Variants in GNAL observed in about 807,000 individuals in gnomAD.
The protein encoded by GNAL is guanine nucleotide-binding protein G(olf) subunit alpha.
GNAL carries 18 observed loss-of-function variants against 55.1 expected under a neutral mutation model. The observed-to-expected ratio is 0.33, with a 90% CI of 0.23 to 0.48. GNAL has a LOEUF of 0.48. GNAL is among the 20% of genes least tolerant of loss of function. GNAL has a pLI of 0.99. For synonymous variants in GNAL, 253 were observed against 237.0 expected (o/e 1.07, Z -0.62); for missense variants, 412 against 614.1 (o/e 0.67, Z 3.48).
At chr18:11,861,989 CAA>C (rs1491519448) in intron 5 of GNAL, among the ~76,000 whole-genome samples, 2 of 150,204 alleles carry the variant, frequency 1.3e-5, no homozygotes, top group Non-Finnish European at 3.0e-5. Context: ...CACACACACA[CAA>C]CATCTGGATT....
intron 4 of GNAL, among the ~76,000 whole-genome samples, chr18:11,788,936 T>TATATATATAC (rs1219351502): frequency 3.4e-4 from 44 of 128,848 alleles, no homozygotes; most frequent in East Asian, 1.3e-3. Context: ...TATATATATA[T>TATATATATAC]ACACATATAT....
chr18:11,745,585 T>C (rs375024576), intron 1 of GNAL: 23 of 152,672 alleles, frequency 1.5e-4, no homozygotes, highest in African/African-American at 3.9e-4. Context: ...TCACATTTGA[T>C]TTATTTGAAT....
chr18:11,816,488 G>A (rs1031436341), intron 4 of GNAL, among the ~76,000 whole-genome samples: 7 of 151,800 alleles, frequency 4.6e-5, no homozygotes, highest in Admixed American at 3.9e-4. Flanking sequence ...TATTAGAGAC[G>A]GGGTTTCACC....
intron 6 of GNAL, among the ~76,000 whole-genome samples, chr18:11,863,156 G>T (rs2036186530): frequency 6.6e-6 from 1 of 152,190 alleles, no homozygotes; most frequent in African/African-American, 2.4e-5. Context: ...TGGGATTACA[G>T]GCGTGAGCCA....
At chr18:11,742,979 G>A (rs867612493) in intron 1 of GNAL, among the ~76,000 whole-genome samples, 1 of 152,226 alleles carries the variant, frequency 6.6e-6, no homozygotes, top group Non-Finnish European at 1.5e-5. Flanking sequence ...GTGACAGCCT[G>A]TAGGTAGCAA....
chr18:11,710,687 CT>C (rs2031815838), intron 1 of GNAL, among the ~76,000 whole-genome samples: 1 of 151,470 alleles, frequency 6.6e-6, no homozygotes, highest in Admixed American at 6.6e-5. Flanking sequence ...TTGGTTGGCA[CT>C]TTTTTCTTTT....
rs186658218 is a variant in GNAL at position 11,768,914 on chromosome 18, A to G, written c.624+14969A>G. Among the ~76,000 whole-genome samples the G allele has an allele frequency of 4.7e-4, 63 of 134,228 alleles. No individual in the cohort carries two copies. In the East Asian group the frequency reaches 0.013, roughly 27 times the overall value. 88.1% of individuals were successfully genotyped at this position (134,228 alleles called of 152,430 possible). A position where few individuals can be genotyped will look rare whatever the true frequency, so the allele number is the denominator to read the frequency against. On this transcript the variant is annotated intron_variant, in intron 4 of 11. Transcript: ENST00000334049. ...GTCTCAAAAAAAAAAAAAAATATAT[A>G]TATAACATATTATTATATATATTAT...
In GNAL at chr18:11,752,237, T is replaced by G; in HGVS notation, c.377-616T>G. On this transcript the variant is annotated intron_variant, in intron 1 of 11. Transcript: ENST00000334049. This position sits in a 1 kb window ranked among gnomAD's most constrained non-coding sequence, Gnocchi z 4.5. The stretch of plus-strand genomic sequence containing the variant: ...ACTCCGCGCGTCTTCCTTACAGCCA[T>G]TTAGTTGGGAGTTTGCGGTGGGCAG... The G allele has an allele frequency of 1.8e-6, 2 of 1,134,894 alleles. No homozygotes were observed. The highest frequency in any genetic ancestry group is 2.3e-6 in the Non-Finnish European group (2 of 855,152). The allele number at this position is 1,134,894 out of a possible 1,614,324, so 70.3% of individuals were successfully genotyped here. A position where few individuals can be genotyped will look rare whatever the true frequency, so the allele number is the denominator to read the frequency against.
In GNAL at chr18:11,851,259, A is replaced by G. The variant is rs1049090483; in HGVS notation, c.723-11136A>G. The G allele has an allele frequency of 1.3e-5, 6 of 464,016 alleles. No individual in the cohort carries two copies. The Admixed American group carries it at 1.6e-4, about 12-fold the overall frequency. The allele number at this position is 464,016 out of a possible 1,614,324, so 28.7% of individuals were successfully genotyped here. ...CGAGCGTTCCCCGCCGCAGCGCCGG[A>G]GCGTCCAGCCAGAATCCCCCTGCAT... On this transcript the variant is annotated intron_variant, in intron 5 of 11. Transcript: ENST00000334049.
intron 4 of GNAL, among the ~76,000 whole-genome samples, chr18:11,801,762 C>T (rs1342198888): frequency 2.0e-5 from 3 of 152,122 alleles, no homozygotes; most frequent in Non-Finnish European, 4.4e-5. Flanking sequence ...GCAAGAGAAG[C>T]ATCAGGGATG....
intron 5 of GNAL, among the ~76,000 whole-genome samples, chr18:11,834,116 T>TA (rs1055886509): frequency 4.6e-5 from 7 of 152,246 alleles, no homozygotes; most frequent in Admixed American, 2.6e-4. Flanking sequence ...GAAAATTTAA[T>TA]AAAGTAAAAT....
In GNAL at chr18:11,868,363, C is replaced by T. The variant is rs547022818; in HGVS notation, c.911-180C>T. ...GTGTCTTTTGGGGTGGGCTCTTCAT[C>T]AAGTGCGTTACTGAAGCAACCAGTG... On this transcript the variant is annotated intron_variant, in intron 8 of 11. Coordinates refer to ENST00000334049, the MANE Select transcript of GNAL (RefSeq NM_182978.4). The surrounding 1 kb of genome is among the most constrained non-coding windows in gnomAD (Gnocchi z 4.0). Among the ~76,000 whole-genome samples the T allele has an allele frequency of 3.3e-5, 5 of 151,996 alleles. No individual in the cohort carries two copies. In the South Asian group the frequency reaches 1.0e-3, roughly 32 times the overall value.
chr18:11,872,004 C>T (rs1021429402), intron 9 of GNAL, among the ~76,000 whole-genome samples: 2 of 152,194 alleles, frequency 1.3e-5, no homozygotes. Context: ...GCATTTCCTT[C>T]GAGCATCATG....
intron 1 of GNAL, among the ~76,000 whole-genome samples, chr18:11,700,856 C>T (rs2031549634): frequency 6.6e-6 from 1 of 152,238 alleles, no homozygotes; most frequent in East Asian, 1.9e-4. Flanking sequence ...CATAAGAAGA[C>T]AATATTTTGA....
chr18:11,751,641 C>A lies in GNAL; in HGVS notation c.377-1212C>A. On this transcript the variant is annotated intron_variant, in intron 1 of 11. Coordinates refer to ENST00000334049, the MANE Select transcript of GNAL (RefSeq NM_182978.4). This position sits in a 1 kb window ranked among gnomAD's most constrained non-coding sequence, Gnocchi z 4.5. ...AGACGCACTTTCCCGGCTCGGGGTG[C>A]AAGAGAGCCAGGCGGCCGCGGCGCA... 2.0e-6 allele frequency: 2 copies of A among 985,428 alleles called. No individual in the cohort carries two copies. Among genetic ancestry groups the A allele is most frequent in the Non-Finnish European group, 2.4e-6 (2 of 829,958 alleles). 61.0% of individuals were successfully genotyped at this position (985,428 alleles called of 1,614,324 possible).
chr18:11,865,984 C>T (rs1249549857), intron 7 of GNAL, among the ~76,000 whole-genome samples: 4 of 149,346 alleles, frequency 2.7e-5, no homozygotes, highest in Admixed American at 1.3e-4. Context: ...TCCTGCAGTG[C>T]CCAGCGCCCT....
intron 1 of GNAL, chr18:11,747,132 G>A: frequency 2.5e-6 from 1 of 407,550 alleles, no homozygotes. Flanking sequence ...TGCCCACGCT[G>A]CCCACAGCCT....
chr18:11,735,282 C>T (rs929262722), intron 1 of GNAL, among the ~76,000 whole-genome samples: 1 of 151,840 alleles, frequency 6.6e-6, no homozygotes, highest in Admixed American at 6.6e-5. Context: ...AACTCCTGAC[C>T]TCAAGTGATC....
chr18:11,792,709 T>G (rs1468613860), intron 4 of GNAL, among the ~76,000 whole-genome samples: 2 of 152,220 alleles, frequency 1.3e-5, no homozygotes, highest in East Asian at 3.9e-4. Flanking sequence ...AATAAATATT[T>G]GTTGAATGAT....
Sources: gnomAD v4.1 joint callset for allele counts (sites outside exome capture counted in the v4.1 genomes callset) on GRCh38, gnomAD v4.1.1 for gene constraint, Gnocchi (gnomAD v3.1) non-coding constraint, MANE v1.5 for transcripts, NCBI Gene and HGNC (gene_info 2026-07-23, HGNC 2026-07-21) for gene names.